Variants in ARL3 observed in about 807,000 individuals in gnomAD.
ARL3 encodes the protein ARF like GTPase 3, also known as ADP-ribosylation factor-like protein 3.
Under a neutral mutation model 26.0 loss-of-function variants are expected in ARL3, and 9 were observed. That is an observed-to-expected ratio of 0.35 (90% CI 0.21 to 0.60). The LOEUF (loss-of-function observed/expected upper bound fraction) is 0.60. Among genes scored for constraint, ARL3 ranks in the 20% least tolerant of loss-of-function variants. The probability of loss-of-function intolerance (pLI) is 0.78; values close to 1 mark genes in which losing one functional copy is unlikely to be tolerated. For synonymous variants in ARL3, 71 were observed against 78.4 expected (o/e 0.91, Z 0.50); for missense variants, 158 against 215.7 (o/e 0.73, Z 1.67).
At position 102,708,885 on chromosome 10, in the gene ARL3, AT is replaced by A. The variant is rs201782647; in HGVS notation, c.4-3397del. On this transcript the variant is annotated intron_variant, in intron 1 of 5. Transcript: ENST00000260746. ...ACAAAAACAAAAAATAAAACCATAT[AT>A]TATATATATATATATATATATATTT... Among the ~76,000 whole-genome samples, 191 of 80,400 alleles carry A rather than the reference AT, an allele frequency of 2.4e-3. 39 individuals carry two copies. The highest frequency in any genetic ancestry group is 6.8e-3 in the East Asian group (20 of 2,962). 52.7% of individuals were successfully genotyped at this position (80,400 alleles called of 152,430 possible). A position where few individuals can be genotyped will look rare whatever the true frequency, so the allele number is the denominator to read the frequency against.
At chr10:102,714,012 G>A (rs2064365214) in intron 1 of ARL3, among the ~76,000 whole-genome samples, 1 of 152,254 alleles carries the variant, frequency 6.6e-6, no homozygotes, top group Middle Eastern at 3.4e-3. Flanking sequence ...CTCCGCACCC[G>A]GCCAGCCGCG....
intron 5 of ARL3, among the ~76,000 whole-genome samples, chr10:102,677,564 G>A (rs2064136391): frequency 6.6e-6 from 1 of 152,136 alleles, no homozygotes; most frequent in Non-Finnish European, 1.5e-5. Context: ...TCCCTTAAAG[G>A]CACAATGACC....
At chr10:102,677,043 C>A in intron 5 of ARL3, 102 bp from the exon 6 acceptor site, 1 of 1,312,548 alleles carries the variant, frequency 7.6e-7, no homozygotes, top group Admixed American at 1.8e-5. Flanking sequence ...GCCCTCCCTC[C>A]CAGACCGCCA....
chr10:102,681,955 G>C (rs150591644), intron 5 of ARL3, among the ~76,000 whole-genome samples: 1 of 152,178 alleles, frequency 6.6e-6, no homozygotes, highest in East Asian at 1.9e-4. Context: ...TGGATTTCTC[G>C]ATACCTTTCT....
At chr10:102,696,208 C>T (rs1396566740) in intron 3 of ARL3, among the ~76,000 whole-genome samples, 1 of 151,910 alleles carries the variant, frequency 6.6e-6, no homozygotes, top group Non-Finnish European at 1.5e-5. Flanking sequence ...TCGTGATCCA[C>T]CCACCTCGGC....
Position 102,694,538 on chromosome 10 carries a change from T to A in ARL3, c.265-4595A>T, listed in dbSNP as rs1227916900. ...AAGGGGTAAGGATGGGTCTAGATTC[T>A]TTTTTTTTTGCATGTCGATGTCCCA... On this transcript the variant is annotated intron_variant, in intron 3 of 5. Coordinates refer to ENST00000260746, the MANE Select transcript of ARL3 (RefSeq NM_004311.4). 7.4e-5 allele frequency among the ~76,000 whole-genome samples: 11 copies of A among 148,162 alleles called. No individual in the cohort carries two copies. In the Admixed American group the frequency reaches 7.4e-4, roughly 10 times the overall value.
At chr10:102,693,475 ATC>A (rs1314392198) in intron 3 of ARL3, among the ~76,000 whole-genome samples, 3 of 152,022 alleles carry the variant, frequency 2.0e-5, no homozygotes, top group Admixed American at 1.3e-4. Flanking sequence ...TTATATGCTT[ATC>A]TGTTTCTTTG....
intron 4 of ARL3, among the ~76,000 whole-genome samples, chr10:102,687,438 T>C (rs2064193697): frequency 6.6e-6 from 1 of 151,766 alleles, no homozygotes; most frequent in Non-Finnish European, 1.5e-5. Context: ...GCGCGGTGGC[T>C]CACCCATGTA....
intron 2 of ARL3, among the ~76,000 whole-genome samples, chr10:102,700,278 G>C (rs12414033): frequency 6.6e-6 from 1 of 151,410 alleles, no homozygotes; most frequent in African/African-American, 2.4e-5. Flanking sequence ...GCGTGTTGGC[G>C]CATGCCTGGA....
intron 1 of ARL3, among the ~76,000 whole-genome samples, chr10:102,708,461 A>G (rs2064320618): frequency 6.6e-6 from 1 of 152,166 alleles, no homozygotes; most frequent in Non-Finnish European, 1.5e-5. Context: ...AACATCTGGA[A>G]TTTATCAAAT....
chr10:102,703,469 A>G (rs1270162778), intron 2 of ARL3, among the ~76,000 whole-genome samples: 17 of 85,302 alleles, frequency 2.0e-4, no homozygotes, highest in East Asian at 3.7e-4. Flanking sequence ...TTTGTGATGG[A>G]GTCTCGCTCT....
At chr10:102,687,431 C>T (rs1032082204) in intron 4 of ARL3, among the ~76,000 whole-genome samples, 9 of 151,622 alleles carry the variant, frequency 5.9e-5, no homozygotes, top group Admixed American at 6.6e-5. Context: ...TGGCCAGGCG[C>T]GGTGGCTCAC....
chr10:102,710,753 C>T (rs1384050379), intron 1 of ARL3, among the ~76,000 whole-genome samples: 4 of 152,164 alleles, frequency 2.6e-5, no homozygotes, highest in Non-Finnish European at 5.9e-5. Context: ...GTTATCTACA[C>T]CCTGGTGGGC....
At chr10:102,689,996 G>A (rs1353297649) in intron 3 of ARL3, 53 bp from the exon 4 acceptor site, 2 of 1,226,758 alleles carry the variant, frequency 1.6e-6, no homozygotes, top group African/African-American at 1.5e-5. Context: ...GAAAAGACAG[G>A]GCAATTTCTG....
At chr10:102,686,651 G>A (rs867114247) in intron 4 of ARL3, among the ~76,000 whole-genome samples, 19 of 151,276 alleles carry the variant, frequency 1.3e-4, no homozygotes, top group African/African-American at 4.6e-4. Context: ...TTTTAGTAGA[G>A]ATGGGTTTTC....
intron 4 of ARL3, among the ~76,000 whole-genome samples, chr10:102,688,571 G>A (rs913460929): frequency 6.7e-6 from 1 of 149,832 alleles, no homozygotes; most frequent in Non-Finnish European, 1.5e-5. Flanking sequence ...ACACAATCTC[G>A]GCTCAGTGCA....
chr10:102,710,947 G>C (rs201432660), intron 1 of ARL3, among the ~76,000 whole-genome samples: 6 of 152,220 alleles, frequency 3.9e-5, no homozygotes, highest in African/African-American at 7.2e-5. Context: ...CAGAGTGGTG[G>C]AGGGAGAAGG....
intron 3 of ARL3, among the ~76,000 whole-genome samples, chr10:102,698,347 T>C (rs968012436): frequency 4.6e-5 from 7 of 152,218 alleles, no homozygotes; most frequent in Admixed American, 2.0e-4. Context: ...CTGCTGAGAT[T>C]ACAGGCATGA....
chr10:102,708,978 C>T (rs1165559015), intron 1 of ARL3, among the ~76,000 whole-genome samples: 3 of 145,158 alleles, frequency 2.1e-5, no homozygotes, highest in Non-Finnish European at 4.5e-5. Context: ...AATCATGGTT[C>T]ACTACAGCTT....
Sources: gnomAD v4.1 joint callset for allele counts (sites outside exome capture counted in the v4.1 genomes callset) on GRCh38, gnomAD v4.1.1 for gene constraint, MANE v1.5 for transcripts, NCBI Gene and HGNC (gene_info 2026-07-23, HGNC 2026-07-21) for gene names.